Variants in FYB1 observed in about 807,000 individuals in gnomAD.
FYB1 encodes FYN binding protein 1, also known as FYN-binding protein 1.
FYB1 carries 41 observed loss-of-function variants against 94.1 expected under a neutral mutation model. The ratio of observed to expected loss-of-function variants is 0.44; its 90% confidence interval spans 0.34 to 0.57. FYB1 has a LOEUF of 0.57. FYB1 is among the 20% of genes least tolerant of loss of function. The pLI, the probability that FYB1 is intolerant of heterozygous loss-of-function variation, is 0.02. For synonymous variants in FYB1, 367 were observed against 353.2 expected (o/e 1.04, Z -0.44); for missense variants, 1,050 against 976.8 (o/e 1.07, Z -1.00).
intron 1 of FYB1, among the ~76,000 whole-genome samples, chr5:39,235,283 T>C (rs1240289311): frequency 1.3e-5 from 2 of 151,646 alleles, no homozygotes; most frequent in East Asian, 3.9e-4. Flanking sequence ...ATCAGCTTTT[T>C]TTTTTTCACA....
intron 2 of FYB1, among the ~76,000 whole-genome samples, chr5:39,159,648 C>T (rs2150371796): frequency 6.6e-6 from 1 of 152,282 alleles, no homozygotes; most frequent in South Asian, 2.1e-4. Flanking sequence ...ACTTGCCCTG[C>T]ATTCTAACTG....
chr5:39,188,824 C>T (rs140214498), intron 2 of FYB1, among the ~76,000 whole-genome samples: 4 of 152,218 alleles, frequency 2.6e-5, no homozygotes, highest in East Asian at 1.9e-4. Flanking sequence ...TGAGCCACTG[C>T]GCCCGTCTGA....
At chr5:39,157,363 C>A (rs944198573) in intron 2 of FYB1, among the ~76,000 whole-genome samples, 2 of 152,074 alleles carry the variant, frequency 1.3e-5, no homozygotes, top group African/African-American at 4.8e-5. Flanking sequence ...CAGTTTAATG[C>A]AGGAAAGACC....
intron 2 of FYB1, among the ~76,000 whole-genome samples, chr5:39,196,181 A>G (rs1257260889): frequency 6.6e-6 from 1 of 151,584 alleles, no homozygotes; most frequent in African/African-American, 2.4e-5. Context: ...CTGGGAGTAA[A>G]TAAATTCTAG....
Position 39,202,029 on chromosome 5 carries a change from G to A in FYB1, c.932C>T (p.Ala311Val). The part of the protein sequence containing the change: ...QEELASGTPP[A>V]RFPKAPSKLT... ...CTTAGAAGGGGCCTTAGGGAACCTG[G>A]CAGGAGGAGTCCCTGAGGCCAACTC... is the stretch of plus-strand genomic sequence containing the variant. Residue 311 changes from alanine (A) to valine (V), a missense_variant, in exon 2 of 19, where the codon GCC becomes GTC. Transcript: ENST00000512982. The A allele has an allele frequency of 6.2e-7, 1 of 1,614,020 alleles. No homozygotes were observed. The highest frequency in any genetic ancestry group is 8.5e-7 in the Non-Finnish European group (1 of 1,179,884).
chr5:39,257,806 TAAA>T (rs71958401), intron 1 of FYB1, among the ~76,000 whole-genome samples: 1 of 139,042 alleles, frequency 7.2e-6, no homozygotes. Context: ...ATTTGGAGAC[TAAA>T]AAAAAAAAAA....
chr5:39,132,731 C>T (rs1395251158), intron 9 of FYB1, among the ~76,000 whole-genome samples: 2 of 152,058 alleles, frequency 1.3e-5, no homozygotes, highest in Non-Finnish European at 2.9e-5. Flanking sequence ...TATGCACATC[C>T]ATGTAAATAT....
At chr5:39,153,421 G>T in intron 3 of FYB1, 27 bp downstream of exon 3, 2 of 1,610,988 alleles carry the variant, frequency 1.2e-6, no homozygotes, top group Non-Finnish European at 1.7e-6. Flanking sequence ...GACTAGGAAA[G>T]AAATCGCAAG....
intron 5 of FYB1, chr5:39,138,989 C>T (rs992112360): frequency 1.8e-6 from 1 of 544,228 alleles, no homozygotes; most frequent in Non-Finnish European, 3.2e-6. Flanking sequence ...TTCTATCTTG[C>T]TATATAAATC....
intron 1 of FYB1, among the ~76,000 whole-genome samples, chr5:39,214,915 C>T (rs112170740): frequency 9.1e-4 from 138 of 151,950 alleles, no homozygotes; most frequent in African/African-American, 3.1e-3. Context: ...GGCAACAGAG[C>T]GAGATTCTGT....
intron 16 of FYB1, among the ~76,000 whole-genome samples, chr5:39,113,186 TA>T (rs113497429): frequency 0.12 from 18,914 of 152,040 alleles, 1,289 homozygotes; most frequent in East Asian, 0.21. Context: ...GAAATACATA[TA>T]TTTTTTGCGG....
chr5:39,202,226 T>C lies in FYB1; in HGVS notation c.735A>G (p.Ser245=). ...TCTCCCCTGCATGGTCTTTATTTTC[T>C]GAGTCTTCCCTTGCTGGTTTTAAAG... The part of the protein sequence containing the change: ...SGPLKPARED[S]ENKDHAGEIS... The change falls in exon 2 of 19, where the codon TCA becomes TCG. Residue 245 remains serine, a synonymous_variant. Coordinates refer to ENST00000512982, the MANE Select transcript of FYB1 (RefSeq NM_001465.6). 1 of 1,614,034 alleles carries C rather than the reference T, an allele frequency of 6.2e-7. No homozygotes were observed. The highest frequency in any genetic ancestry group is 8.5e-7 in the Non-Finnish European group (1 of 1,179,894).
At chr5:39,225,627 T>A (rs1223049826) in intron 1 of FYB1, among the ~76,000 whole-genome samples, 1 of 152,218 alleles carries the variant, frequency 6.6e-6, no homozygotes, top group Non-Finnish European at 1.5e-5. Context: ...ATTTTTCTTA[T>A]AAAGTATGTT....
At chr5:39,123,543 G>A (rs1740331721) in intron 13 of FYB1, among the ~76,000 whole-genome samples, 1 of 152,082 alleles carries the variant, frequency 6.6e-6, no homozygotes, top group African/African-American at 2.4e-5. Context: ...GCACTGATCA[G>A]CTTGAGTTTG....
chr5:39,125,710 G>A (rs1039321975), intron 12 of FYB1, among the ~76,000 whole-genome samples: 1 of 152,104 alleles, frequency 6.6e-6, no homozygotes, highest in Non-Finnish European at 1.5e-5. Context: ...GAGCGTGAGA[G>A]GGTATGTGTG....
At chr5:39,158,785 A>G (rs940953429) in intron 2 of FYB1, among the ~76,000 whole-genome samples, 3 of 152,158 alleles carry the variant, frequency 2.0e-5, no homozygotes, top group African/African-American at 4.8e-5. Context: ...TTTTAAATCC[A>G]TGGATTCCTT....
At chr5:39,127,717 A>G in intron 11 of FYB1, 24 bp downstream of exon 11, 1 of 1,575,610 alleles carries the variant, frequency 6.3e-7, no homozygotes, top group Non-Finnish European at 8.6e-7. Context: ...AATTTGCAAA[A>G]AGCAGTTCAC....
chr5:39,172,513 G>A (rs1034898373), intron 2 of FYB1, among the ~76,000 whole-genome samples: 1 of 152,082 alleles, frequency 6.6e-6, no homozygotes. Flanking sequence ...TTTGTTACAT[G>A]GGTGTATTGT....
At chr5:39,112,179 T>C (rs1320241626) in intron 16 of FYB1, among the ~76,000 whole-genome samples, 1 of 151,984 alleles carries the variant, frequency 6.6e-6, no homozygotes, top group Non-Finnish European at 1.5e-5. Flanking sequence ...TCTTTATCTG[T>C]ACCCATATAG....
Sources: gnomAD v4.1 joint callset for allele counts (sites outside exome capture counted in the v4.1 genomes callset) on GRCh38, gnomAD v4.1.1 for gene constraint, MANE v1.5 for transcripts, NCBI Gene and HGNC (gene_info 2026-07-23, HGNC 2026-07-21) for gene names.